The following MAJIN variants were observed in gnomAD, a reference collection of about 807,000 sequenced individuals.
MAJIN encodes the protein membrane-anchored junction protein.
Under a neutral mutation model 30.2 loss-of-function variants are expected in MAJIN, and 27 were observed. That is an observed-to-expected ratio of 0.89 (90% CI 0.66 to 1.23). The LOEUF (loss-of-function observed/expected upper bound fraction) is 1.23, where lower values mean the gene tolerates loss of function less well. Among genes scored for constraint, MAJIN ranks in the 50% most tolerant of loss-of-function variants. The pLI, the probability that MAJIN is intolerant of heterozygous loss-of-function variation, is 0.00. For synonymous variants in MAJIN, 78 were observed against 91.6 expected (o/e 0.85, Z 0.85); for missense variants, 253 against 260.3 (o/e 0.97, Z 0.19).
chr11:64,963,553 C>G (rs1945759772), intron 1 of MAJIN, among the ~76,000 whole-genome samples: 1 of 152,158 alleles, frequency 6.6e-6, no homozygotes, highest in Non-Finnish European at 1.5e-5. Context: ...AATACATTGA[C>G]TGGGCTGGGC....
intron 4 of MAJIN, among the ~76,000 whole-genome samples, chr11:64,952,501 T>C (rs1382526400): frequency 6.6e-6 from 1 of 152,028 alleles, no homozygotes; most frequent in East Asian, 1.9e-4. Context: ...TTTTTATACA[T>C]ATTAATTAAT....
intron 8 of MAJIN, among the ~76,000 whole-genome samples, chr11:64,942,691 C>T (rs1353633174): frequency 2.0e-5 from 3 of 152,170 alleles, no homozygotes; most frequent in Admixed American, 2.0e-4. Flanking sequence ...ACCACATGGG[C>T]AGCCACCGAA....
chr11:64,968,055 T>C (rs112662244), intron 1 of MAJIN, among the ~76,000 whole-genome samples: 6,926 of 151,876 alleles, frequency 0.046, 183 homozygotes, highest in Middle Eastern at 0.065. Flanking sequence ...AATCAGCAAG[T>C]GCAGATGTCT....
At chr11:64,955,695 C>T (rs1219202336) in intron 3 of MAJIN, among the ~76,000 whole-genome samples, 8 of 152,184 alleles carry the variant, frequency 5.3e-5, no homozygotes, top group South Asian at 4.1e-4. Context: ...GGAAAATTTC[C>T]GTCCACCATT....
chr11:64,970,005 G>A (rs952263879), intron 1 of MAJIN, among the ~76,000 whole-genome samples: 1 of 152,126 alleles, frequency 6.6e-6, no homozygotes, highest in East Asian at 1.9e-4. Context: ...AGAGATTCTA[G>A]ATAAGACTGC....
intron 1 of MAJIN, among the ~76,000 whole-genome samples, chr11:64,968,694 T>C (rs1331231381): frequency 6.6e-6 from 1 of 151,322 alleles, no homozygotes; most frequent in African/African-American, 2.4e-5. Flanking sequence ...TAGCTGGGCG[T>C]GGTGGCGGGT....
At chr11:64,970,894 T>C (rs1189975961) in intron 1 of MAJIN, among the ~76,000 whole-genome samples, 5 of 151,996 alleles carry the variant, frequency 3.3e-5, no homozygotes, top group Admixed American at 6.6e-5. Flanking sequence ...TGACAGGAAA[T>C]GTTTCAGTGG....
chr11:64,970,714 G>A (rs1945886939), intron 1 of MAJIN, among the ~76,000 whole-genome samples: 1 of 152,056 alleles, frequency 6.6e-6, no homozygotes, highest in African/African-American at 2.4e-5. Context: ...AGAAAAGGAT[G>A]TTCGGCAAAG....
chr11:64,959,240 A>C, intron 3 of MAJIN, 65 bp downstream of exon 3: 1 of 1,291,332 alleles, frequency 7.7e-7, no homozygotes, highest in South Asian at 1.2e-5. Context: ...AGAAGAGGTG[A>C]CCTGTGGGAA....
rs192136642 is a variant in MAJIN, at chr11:64,970,961, C to T, written c.-65+916G>A. 2.6e-5 allele frequency among the ~76,000 whole-genome samples: 4 copies of T among 152,232 alleles called. No homozygotes were observed. The East Asian group carries it at 7.7e-4, about 29-fold the overall frequency. On this transcript the variant is annotated intron_variant, in intron 1 of 10. Coordinates refer to ENST00000301896, the MANE Select transcript of MAJIN (RefSeq NM_001037225.3). ...CTGGGGTTGGAGGGTGGGTATAGAC[C>T]AGAGGAGCACTTTAGTTCCTGGGGA...
At chr11:64,949,161 T>TAAA (rs562375029) in intron 6 of MAJIN, among the ~76,000 whole-genome samples, 1 of 111,796 alleles carries the variant, frequency 8.9e-6, no homozygotes, top group African/African-American at 3.3e-5. Context: ...CTGTCTCTAC[T>TAAA]AAAAAAAAAA....
rs978307291 is a variant in MAJIN, at chr11:64,945,153, C to T, written c.473+2221G>A. On this transcript the variant is annotated intron_variant, in intron 8 of 10. Coordinates refer to ENST00000301896, the MANE Select transcript of MAJIN (RefSeq NM_001037225.3). ...CGGGTGGATCACGAGGTCAGGAGATCGAGACCATCCTGGCTAACACGGTGA... is the reference window on the plus strand; with the variant it reads ...CGGGTGGATCACGAGGTCAGGAGATTGAGACCATCCTGGCTAACACGGTGA... 2.0e-5 allele frequency among the ~76,000 whole-genome samples: 3 copies of T among 152,086 alleles called. No individual in the cohort carries two copies. The South Asian group carries it at 6.2e-4, about 32-fold the overall frequency.
chr11:64,944,356 C>G (rs867672318), intron 8 of MAJIN, among the ~76,000 whole-genome samples: 7 of 152,204 alleles, frequency 4.6e-5, no homozygotes, highest in African/African-American at 1.7e-4. Flanking sequence ...TTCCTTCTAC[C>G]CCTGCACATG....
intron 9 of MAJIN, among the ~76,000 whole-genome samples, 198 bp downstream of exon 9, chr11:64,940,373 CCTT>C (rs1462560986): frequency 1.3e-5 from 2 of 152,190 alleles, no homozygotes; most frequent in Non-Finnish European, 2.9e-5. Flanking sequence ...TCCCTTCACT[CCTT>C]CTGGGAGCTG....
chr11:64,956,763 GT>G (rs398016405), intron 3 of MAJIN, among the ~76,000 whole-genome samples: 99 of 102,506 alleles, frequency 9.7e-4, no homozygotes, highest in East Asian at 1.8e-3. Flanking sequence ...CATATAAGCT[GT>G]TTTTTTTTTT....
At chr11:64,952,012 C>T (rs1945559687) in intron 4 of MAJIN, among the ~76,000 whole-genome samples, 1 of 151,990 alleles carries the variant, frequency 6.6e-6, no homozygotes, top group African/African-American at 2.4e-5. Context: ...CTCAACCTCC[C>T]AAGTAGCTAG....
intron 8 of MAJIN, among the ~76,000 whole-genome samples, chr11:64,944,185 A>G (rs1945416638): frequency 6.6e-6 from 1 of 152,266 alleles, no homozygotes. Flanking sequence ...TTTCTACTTA[A>G]AAATGTTTTA....
chr11:64,964,730 G>T (rs1012092305), intron 1 of MAJIN, among the ~76,000 whole-genome samples: 1 of 151,696 alleles, frequency 6.6e-6, no homozygotes, highest in African/African-American at 2.4e-5. Context: ...TGTACTACAG[G>T]CACCCACCAC....
chr11:64,938,337 T>C lies in MAJIN; in HGVS notation c.*238A>G. 1.6e-6 allele frequency: 1 copy of C among 625,646 alleles called. No homozygotes were observed. The allele number at this position is 625,646 out of a possible 1,614,324, so 38.8% of individuals were successfully genotyped here. On this transcript the variant is annotated 3_prime_UTR_variant, in exon 11 of 11. Coordinates refer to ENST00000301896, the MANE Select transcript of MAJIN (RefSeq NM_001037225.3). ...ATTTTAGAAAGTTCCATTCTTAATG[T>C]TTTAAATTGGGGGAAAAAATCTATT...
Sources: allele counts gnomAD v4.1 joint callset (sites outside exome capture counted in the v4.1 genomes callset), GRCh38; gene constraint gnomAD v4.1.1; transcripts MANE v1.5; gene names NCBI Gene and HGNC (gene_info 2026-07-23, HGNC 2026-07-21).